GZMK: variants seen among roughly 807,000 people sequenced by gnomAD.
GZMK encodes the protein NK-Tryp-2.
In GZMK, 18 loss-of-function variants were observed where a neutral mutation model predicts 22.8. The observed-to-expected ratio is 0.79, with a 90% confidence interval of 0.54 to 1.17. GZMK has a LOEUF of 1.17. Ranked by LOEUF, GZMK falls within the 50% of genes most tolerant of loss-of-function variation. The probability of loss-of-function intolerance (pLI) is 0.00; values close to 1 mark genes in which losing one functional copy is unlikely to be tolerated. For synonymous variants in GZMK, 136 were observed against 115.0 expected, an observed-to-expected ratio of 1.18 and a Z score of -1.17; for missense variants, 342 against 320.2, an observed-to-expected ratio of 1.07 and a Z score of -0.52.
chr5:55,030,470 C>G lies in GZMK; in HGVS notation c.249C>G (p.Gly83=). ...GCCAGTCTCCCACTGTGGTTTTAGG[C>G]GCACACTCTCTCTCAAAGAATGAGG... ...TKGQSPTVVL[G]AHSLSKNEAS... The change falls in exon 3 of 5, where the codon GGC becomes GGG. Residue 83 remains glycine (G), a synonymous_variant. Coordinates refer to ENST00000231009, the MANE Select transcript of GZMK (RefSeq NM_002104.3). The G allele has an allele frequency of 6.2e-7, 1 of 1,613,598 alleles. No individual in the cohort carries two copies. The highest frequency in any genetic ancestry group is 1.1e-5 in the South Asian group (1 of 91,032).
Position 55,024,366 on chromosome 5 carries a change from G to A in GZMK, c.44G>A (p.Gly15Glu). The A allele has an allele frequency of 3.4e-6, 5 of 1,483,704 alleles. No individual in the cohort carries two copies. Among genetic ancestry groups the A allele is most frequent in the Non-Finnish European group, 4.7e-6 (5 of 1,063,282 alleles). 91.9% of individuals were successfully genotyped at this position (1,483,704 alleles called of 1,614,324 possible). The change falls in exon 1 of 5, where the codon GGG becomes GAG. Residue 15 changes from glycine (G) to glutamate (E), a missense_variant. Gly to Glu is a moderately conservative substitution (Grantham distance 98, BLOSUM62 -2). Transcript: ENST00000231009. ...SSFSLFFLIV[G>E]AYMTHVCFNM... is the part of the protein sequence containing the mutation. The stretch of plus-strand genomic sequence containing the variant: ...TTTTCTCTGTTTTTCCTAATAGTTG[G>A]GGCTTATATGACTCATGTGTGTAAG...
chr5:55,033,587 C>G, intron 4 of GZMK, 178 bp from the exon 5 acceptor site: 1 of 532,092 alleles, frequency 1.9e-6, no homozygotes, highest in Non-Finnish European at 3.3e-6. Flanking sequence ...TAGTCCTTGA[C>G]AGAGACAGGC....
At position 55,031,425 on chromosome 5, in the gene GZMK, C is replaced by T; in HGVS notation, c.425C>T (p.Ser142Phe). ...ATGCTCCACATAAGATCCAAAACCT[C>T]TCTTAGATCTGGAACCAAATGCAAG... ...VKMLHIRSKTSLRSGTKCKVT... is the reference protein window; with the variant it reads ...VKMLHIRSKTFLRSGTKCKVT... The change falls in exon 4 of 5, where the codon TCT becomes TTT. Residue 142 changes from serine (S) to phenylalanine (F), a missense_variant. Transcript: ENST00000231009. 1 of 1,613,176 alleles carries T rather than the reference C, an allele frequency of 6.2e-7. No homozygotes were observed. The highest frequency in any genetic ancestry group is 8.5e-7 in the Non-Finnish European group (1 of 1,179,060).
intron 2 of GZMK, among the ~76,000 whole-genome samples, chr5:55,026,034 A>G (rs1196600128): frequency 6.6e-6 from 1 of 152,230 alleles, no homozygotes; most frequent in Non-Finnish European, 1.5e-5. Context: ...GATCAGAGAG[A>G]CAGAGTGGGG....
intron 2 of GZMK, 147 bp from the exon 3 acceptor site, chr5:55,030,287 G>T: frequency 4.4e-6 from 3 of 686,680 alleles, no homozygotes; most frequent in Non-Finnish European, 7.4e-6. Context: ...GCTCCACTAA[G>T]ACCTTTGTCA....
chr5:55,032,312 C>T (rs1271034545), intron 4 of GZMK, among the ~76,000 whole-genome samples: 3 of 152,172 alleles, frequency 2.0e-5, no homozygotes, highest in African/African-American at 7.2e-5. Flanking sequence ...ATTCATGAAG[C>T]CTTCACCTCC....
intron 4 of GZMK, among the ~76,000 whole-genome samples, chr5:55,033,343 A>AAAAT (rs1741263285): frequency 6.6e-6 from 1 of 152,260 alleles, no homozygotes; most frequent in Non-Finnish European, 1.5e-5. Context: ...ACTCGATTTT[A>AAAAT]GGTCTGTGAG....
intron 3 of GZMK, 129 bp from the exon 4 acceptor site, chr5:55,031,235 G>A (rs1180926449): frequency 1.4e-6 from 1 of 735,618 alleles, no homozygotes; most frequent in East Asian, 2.5e-5. Flanking sequence ...TGCAGCTGCA[G>A]GCCACCACCA....
In GZMK at chr5:55,034,439, A is replaced by G. The variant is rs1441856310; in HGVS notation, c.*513A>G. ...AAATGAAACTTTATGCCAGTTGAAT[A>G]GCAGCTCTCTATTTCCCCACCACCC... On this transcript the variant is annotated 3_prime_UTR_variant, in exon 5 of 5. Transcript: ENST00000231009. 1 of 152,302 alleles carries G rather than the reference A, an allele frequency of 6.6e-6. No homozygotes were observed. Among genetic ancestry groups the G allele is most frequent in the African/African-American group, 2.4e-5 (1 of 41,454 alleles). The allele number at this position is 152,302 out of a possible 1,614,324, so 9.4% of individuals were successfully genotyped here. A position where few individuals can be genotyped will look rare whatever the true frequency, so the allele number is the denominator to read the frequency against.
rs563269579 is a variant in GZMK at position 55,029,190 on chromosome 5, G to A, written c.213-1244G>A. ...GCGGAGGTTGCTGTGAGCCGAGATGGCGCCACTGAACTCCAGCCTGGGAAA... is the reference window on the plus strand; with the variant it reads ...GCGGAGGTTGCTGTGAGCCGAGATGACGCCACTGAACTCCAGCCTGGGAAA... On this transcript the variant is annotated intron_variant, in intron 2 of 4. Transcript: ENST00000231009. Among the ~76,000 whole-genome samples, 152 of 151,968 alleles carry A rather than the reference G, an allele frequency of 1.0e-3. 1 individual carries two copies. Among genetic ancestry groups the A allele is most frequent in the African/African-American group, 3.5e-3 (144 of 41,446 alleles).
At chr5:55,033,008 A>G (rs995734531) in intron 4 of GZMK, among the ~76,000 whole-genome samples, 4 of 152,222 alleles carry the variant, frequency 2.6e-5, no homozygotes, top group African/African-American at 4.8e-5. Context: ...ACCAAAGTAT[A>G]AGGCACTGCA....
At chr5:55,030,169 C>T (rs1197100525) in intron 2 of GZMK, among the ~76,000 whole-genome samples, 2 of 152,092 alleles carry the variant, frequency 1.3e-5, no homozygotes, top group African/African-American at 2.4e-5. Flanking sequence ...ACTCCTTTTT[C>T]TTCCCCCAGT....
At chr5:55,025,044 G>A (rs1458802318) in intron 2 of GZMK, 2 of 345,488 alleles carry the variant, frequency 5.8e-6, no homozygotes, top group Non-Finnish European at 1.1e-5. Context: ...CAAGTCCTCT[G>A]TATAATGCAG....
At chr5:55,025,783 TTG>T (rs1741133975) in intron 2 of GZMK, 1 of 152,234 alleles carries the variant, frequency 6.6e-6, no homozygotes, top group Non-Finnish European at 1.5e-5. Flanking sequence ...AACAATTGAA[TTG>T]ATTTGCTTTT....
chr5:55,029,220 G>A (rs113037353), intron 2 of GZMK, among the ~76,000 whole-genome samples: 3 of 151,378 alleles, frequency 2.0e-5, no homozygotes, highest in Non-Finnish European at 4.4e-5. Flanking sequence ...GGGAAACAGA[G>A]CAAGACTCCT....
chr5:55,031,271 C>T (rs1045789678), intron 3 of GZMK, 93 bp from the exon 4 acceptor site: 17 of 1,066,980 alleles, frequency 1.6e-5, no homozygotes, highest in East Asian at 2.4e-5. Flanking sequence ...CAGGGACGCC[C>T]GCCTAAGACA....
intron 2 of GZMK, among the ~76,000 whole-genome samples, chr5:55,026,198 A>T (rs1741140224): frequency 6.6e-6 from 1 of 151,750 alleles, no homozygotes; most frequent in African/African-American, 2.4e-5. Context: ...ACACTGAAAG[A>T]TCTTTCTTTC....
chr5:55,026,234 G>A (rs746475283), intron 2 of GZMK, among the ~76,000 whole-genome samples: 1 of 152,156 alleles, frequency 6.6e-6, no homozygotes, highest in Non-Finnish European at 1.5e-5. Context: ...GGCTAGGCCT[G>A]AAACATGGTG....
intron 2 of GZMK, among the ~76,000 whole-genome samples, chr5:55,026,198 ATCTT>A (rs111850140): frequency 0.016 from 2,399 of 151,768 alleles, 49 homozygotes; most frequent in African/African-American, 0.046. Flanking sequence ...ACACTGAAAG[ATCTT>A]TCTTTCTTTC....
Sources: gnomAD v4.1 joint callset for allele counts (sites outside exome capture counted in the v4.1 genomes callset) on GRCh38, gnomAD v4.1.1 for gene constraint, MANE v1.5 for transcripts, NCBI Gene and HGNC (gene_info 2026-07-23, HGNC 2026-07-21) for gene names.